HCN1: variants seen among roughly 807,000 people sequenced by gnomAD.
The protein encoded by HCN1 is potassium/sodium hyperpolarization-activated cyclic nucleotide-gated channel 1.
Under a neutral mutation model 78.9 loss-of-function variants are expected in HCN1, and 13 were observed. That is an observed-to-expected ratio of 0.16 (90% CI 0.11 to 0.26). The LOEUF (loss-of-function observed/expected upper bound fraction) is 0.26, where lower values mean the gene tolerates loss of function less well. Among genes scored for constraint, HCN1 ranks in the 10% least tolerant of loss-of-function variants. HCN1 has a pLI of 1.00. For missense variants in HCN1, 810 were observed against 1,154.3 expected, an observed-to-expected ratio of 0.70 and a Z score of 4.32; for synonymous variants, 552 against 455.5, an observed-to-expected ratio of 1.21 and a Z score of -2.70.
intron 5 of HCN1, 140 bp from the exon 6 acceptor site, chr5:45,303,979 G>A (rs562245787): frequency 1.7e-4 from 130 of 786,316 alleles, no homozygotes; most frequent in Middle Eastern, 3.5e-4. Context: ...CTAGTAATGC[G>A]CATCATATTA....
intron 2 of HCN1, among the ~76,000 whole-genome samples, chr5:45,528,911 T>C (rs1221314412): frequency 6.6e-6 from 1 of 151,978 alleles, no homozygotes; most frequent in Admixed American, 6.6e-5. Context: ...TAAAGACAAG[T>C]AGAATTTAGT....
rs1001749494 is a variant in HCN1 at position 45,597,165 on chromosome 5, C to T, written c.849+48020G>A. 5.9e-5 allele frequency among the ~76,000 whole-genome samples: 9 copies of T among 152,216 alleles called. No homozygotes were observed. In the South Asian group the frequency reaches 1.2e-3, roughly 21 times the overall value. On this transcript the variant is annotated intron_variant, in intron 2 of 7. Coordinates refer to ENST00000303230, the MANE Select transcript of HCN1 (RefSeq NM_021072.4). ...CCTGATCAACATTGATGCAAAAATC[C>T]TCAATAAAATACTGGCAAACAGAAT... is the stretch of plus-strand genomic sequence containing the variant.
chr5:45,555,199 G>C (rs1445782801), intron 2 of HCN1, among the ~76,000 whole-genome samples: 1 of 151,692 alleles, frequency 6.6e-6, no homozygotes, highest in Non-Finnish European at 1.5e-5. Context: ...TATAGATGCA[G>C]AATACAAAAT....
chr5:45,583,693 C>G (rs376773140), intron 2 of HCN1, among the ~76,000 whole-genome samples: 1 of 151,950 alleles, frequency 6.6e-6, no homozygotes, highest in African/African-American at 2.4e-5. Context: ...ACACACTGCT[C>G]TGAATGTGTC....
chr5:45,302,681 TC>T (rs973073737), intron 6 of HCN1, among the ~76,000 whole-genome samples: 4 of 151,706 alleles, frequency 2.6e-5, no homozygotes, highest in African/African-American at 9.7e-5. Context: ...TTTGGCTGTG[TC>T]CCCATTCAAA....
chr5:45,493,245 G>C (rs1028863667), intron 2 of HCN1, among the ~76,000 whole-genome samples: 2 of 151,664 alleles, frequency 1.3e-5, no homozygotes, highest in African/African-American at 2.4e-5. Context: ...TGTATATATA[G>C]ATATATATAT....
At chr5:45,278,029 C>A (rs374979589) in intron 6 of HCN1, among the ~76,000 whole-genome samples, 3 of 152,036 alleles carry the variant, frequency 2.0e-5, no homozygotes, top group African/African-American at 7.2e-5. Flanking sequence ...TCTTTTCTTC[C>A]TGTGATCCCT....
intron 2 of HCN1, among the ~76,000 whole-genome samples, chr5:45,482,772 C>A (rs1184008409): frequency 6.6e-6 from 1 of 152,114 alleles, no homozygotes; most frequent in Admixed American, 6.6e-5. Context: ...TCCCTCTACC[C>A]TCTAGTCCAC....
intron 3 of HCN1, among the ~76,000 whole-genome samples, chr5:45,424,691 C>T (rs867902411): frequency 2.0e-5 from 3 of 150,760 alleles, no homozygotes; most frequent in Non-Finnish European, 4.5e-5. Context: ...TATATTTTTG[C>T]TGTTTATTAC....
intron 3 of HCN1, among the ~76,000 whole-genome samples, chr5:45,439,678 A>T (rs1193959552): frequency 6.6e-6 from 1 of 152,072 alleles, no homozygotes; most frequent in Non-Finnish European, 1.5e-5. Context: ...GACACTGAAG[A>T]TTCCCTCCAG....
intron 4 of HCN1, among the ~76,000 whole-genome samples, chr5:45,365,815 C>T (rs1402466021): frequency 5.3e-5 from 8 of 151,712 alleles, no homozygotes; most frequent in African/African-American, 1.7e-4. Flanking sequence ...ACAGTAGAAA[C>T]AAGCAAGTCA....
chr5:45,608,872 T>G (rs1244170997), intron 2 of HCN1, among the ~76,000 whole-genome samples: 1 of 152,050 alleles, frequency 6.6e-6, no homozygotes, highest in Admixed American at 6.6e-5. Flanking sequence ...GTTGAAGATA[T>G]TTCCAAACTG....
chr5:45,301,314 A>AATACTAAAAATGTATTTAGAATTTGT (rs1745614202), intron 6 of HCN1, among the ~76,000 whole-genome samples: 2 of 133,304 alleles, frequency 1.5e-5, no homozygotes, highest in Admixed American at 8.3e-5. Flanking sequence ...TGGTTGGGTT[A>AATACTAAAAATGTATTTAGAATTTGT]ATACTAAAAA....
intron 2 of HCN1, among the ~76,000 whole-genome samples, chr5:45,611,756 A>G (rs757290077): frequency 2.2e-4 from 33 of 152,142 alleles, no homozygotes; most frequent in Non-Finnish European, 4.9e-4. Context: ...TAGGCTAGGA[A>G]GACTATCTTT....
intron 2 of HCN1, among the ~76,000 whole-genome samples, chr5:45,608,342 G>C (rs1290428807): frequency 1.4e-5 from 2 of 146,806 alleles, no homozygotes; most frequent in African/African-American, 5.0e-5. Flanking sequence ...AGTTCCAAAT[G>C]GGTAGGATGG....
chr5:45,372,348 T>C (rs1747416186), intron 4 of HCN1, among the ~76,000 whole-genome samples: 1 of 104,762 alleles, frequency 9.5e-6, no homozygotes, highest in Non-Finnish European at 1.7e-5. Context: ...ATCATATATA[T>C]TTTACATATT....
At chr5:45,695,617 C>G (rs1739993274) in intron 1 of HCN1, 52 bp downstream of exon 1, 3 of 1,573,840 alleles carry the variant, frequency 1.9e-6, no homozygotes, top group South Asian at 1.1e-5. Context: ...CGGGGAAGCG[C>G]GTTTCAGGGC....
At chr5:45,290,781 T>C (rs149585798) in intron 6 of HCN1, among the ~76,000 whole-genome samples, 9 of 152,108 alleles carry the variant, frequency 5.9e-5, no homozygotes, top group Non-Finnish European at 1.0e-4. Flanking sequence ...GGGAATGTTA[T>C]AGTCTCATAG....
chr5:45,258,050 A>C lies in HCN1; in HGVS notation c.*3871T>G, dbSNP rs1435620283. ...CATGGGTTTTATGGCACATGTTCTAAAAAGATAAAGATATAATGGAGAGAT... is the reference window on the plus strand; with the variant it reads ...CATGGGTTTTATGGCACATGTTCTACAAAGATAAAGATATAATGGAGAGAT... On this transcript the variant is annotated 3_prime_UTR_variant, in exon 8 of 8. Transcript: ENST00000303230. 2 of 152,152 alleles carry C rather than the reference A, an allele frequency of 1.3e-5. No individual in the cohort carries two copies. Among genetic ancestry groups the C allele is most frequent in the Non-Finnish European group, 2.9e-5 (2 of 68,028 alleles). 9.4% of individuals were successfully genotyped at this position (152,152 alleles called of 1,614,324 possible). A position where few individuals can be genotyped will look rare whatever the true frequency, so the allele number is the denominator to read the frequency against.
Sources: gnomAD v4.1 joint callset for allele counts (sites outside exome capture counted in the v4.1 genomes callset) on GRCh38, gnomAD v4.1.1 for gene constraint, MANE v1.5 for transcripts, NCBI Gene and HGNC (gene_info 2026-07-23, HGNC 2026-07-21) for gene names.